ZNF214: variants seen among roughly 807,000 people sequenced by gnomAD.
ZNF214 encodes the protein BWSCR2-associated zinc finger protein 1.
A neutral mutation model predicts 53.9 loss-of-function variants in ZNF214; 43 were observed. That is an observed-to-expected ratio of 0.80 (90% CI 0.63 to 1.03). The LOEUF (loss-of-function observed/expected upper bound fraction) is 1.03. Among genes scored for constraint, ZNF214 ranks in the 50% least tolerant of loss-of-function variants. The pLI is 0.00. For synonymous variants in ZNF214, 217 were observed against 229.5 expected (o/e 0.95, Z 0.49); for missense variants, 724 against 719.1 (o/e 1.01, Z -0.08).
rs1055060488 is a variant in ZNF214, at chr11:6,999,190, A to T, written c.*672T>A. ...CTATTATTAAGCGTGGAAAACCGGA[A>T]AGGGAAGGGATGAGTGCACTGTAGT... On this transcript the variant is annotated 3_prime_UTR_variant, in exon 3 of 3. Coordinates refer to ENST00000278314, the MANE Select transcript of ZNF214 (RefSeq NM_013249.4). 20 of 151,936 alleles carry T rather than the reference A, an allele frequency of 1.3e-4. No homozygotes were observed. The highest frequency in any genetic ancestry group is 4.8e-4 in the African/African-American group (20 of 41,394). 9.4% of individuals were successfully genotyped at this position (151,936 alleles called of 1,614,324 possible). A position where few individuals can be genotyped will look rare whatever the true frequency, so the allele number is the denominator to read the frequency against.
intron 1 of ZNF214, among the ~76,000 whole-genome samples, chr11:7,018,494 ACTT>A (rs1436848039): frequency 1.4e-5 from 1 of 70,418 alleles, no homozygotes; most frequent in South Asian, 4.4e-4. Flanking sequence ...CAATGTTAAG[ACTT>A]TTTTTTTTTT....
Position 7,001,210 on chromosome 11 carries a change from C to T in ZNF214, c.473G>A (p.Gly158Asp). 6.2e-7 allele frequency: 1 copy of T among 1,613,190 alleles called. No homozygotes were observed. Among genetic ancestry groups the T allele is most frequent in the Non-Finnish European group, 8.5e-7 (1 of 1,179,520 alleles). Residue 158 changes from glycine to aspartate, a missense_variant, in exon 3 of 3, where the codon GGT becomes GAT. Coordinates refer to ENST00000278314, the MANE Select transcript of ZNF214 (RefSeq NM_013249.4). Reference protein sequence around the residue: ...QDYGREIYMSGSHGFQGGRYR... With the variant: ...QDYGREIYMSDSHGFQGGRYR... ...TCTGCCCCCTTGAAAACCATGTGAA[C>T]CACTCATGTAGATTTCTCTACCATA...
chr11:7,008,513 T>C (rs1851527218), intron 1 of ZNF214, among the ~76,000 whole-genome samples: 1 of 116,900 alleles, frequency 8.6e-6, no homozygotes, highest in Admixed American at 9.0e-5. Flanking sequence ...AGTATTTACC[T>C]TGAGAACCAG....
intron 1 of ZNF214, 58 bp downstream of exon 1, chr11:7,020,014 AC>A: frequency 6.6e-6 from 1 of 152,244 alleles, no homozygotes; most frequent in Non-Finnish European, 1.5e-5. Context: ...CTGCCCCGGC[AC>A]CGAACACCGG....
At chr11:7,011,786 A>G (rs980593173) in intron 1 of ZNF214, among the ~76,000 whole-genome samples, 1 of 151,978 alleles carries the variant, frequency 6.6e-6, no homozygotes, top group Non-Finnish European at 1.5e-5. Context: ...ATAAATTAAG[A>G]GAGTTCAGCA....
At chr11:7,003,954 AAAG>A (rs1462453731) in intron 1 of ZNF214, among the ~76,000 whole-genome samples, 2 of 151,818 alleles carry the variant, frequency 1.3e-5, no homozygotes, top group African/African-American at 4.8e-5. Flanking sequence ...TAAATTAAAA[AAAG>A]AAAAATTTGG....
chr11:7,018,412 C>T (rs757189080), intron 1 of ZNF214, among the ~76,000 whole-genome samples: 2 of 151,602 alleles, frequency 1.3e-5, no homozygotes. Flanking sequence ...GTTTTAAGTG[C>T]CACTCATTCT....
intron 1 of ZNF214, among the ~76,000 whole-genome samples, chr11:7,003,572 A>G (rs1851407196): frequency 6.6e-6 from 1 of 152,062 alleles, no homozygotes; most frequent in African/African-American, 2.4e-5. Context: ...AGTTACTTGT[A>G]TAAGATTATG....
chr11:7,008,211 T>C (rs1297956357), intron 1 of ZNF214, among the ~76,000 whole-genome samples: 2 of 152,096 alleles, frequency 1.3e-5, no homozygotes, highest in African/African-American at 4.8e-5. Context: ...AGTGGGCGGA[T>C]TGCTTGAGCC....
At chr11:7,019,739 T>A (rs1851867119) in intron 1 of ZNF214, 1 of 152,180 alleles carries the variant, frequency 6.6e-6, no homozygotes, top group Non-Finnish European at 1.5e-5. Context: ...TGATCAAAGG[T>A]AGGTTCCTGG....
chr11:7,008,370 C>A (rs376987320), intron 1 of ZNF214, among the ~76,000 whole-genome samples: 2 of 152,050 alleles, frequency 1.3e-5, no homozygotes, highest in African/African-American at 4.8e-5. Flanking sequence ...GAGGTTGAGG[C>A]TGCAATAAGC....
chr11:7,009,851 A>G (rs1851563849), intron 1 of ZNF214, among the ~76,000 whole-genome samples: 3 of 152,196 alleles, frequency 2.0e-5, no homozygotes, highest in African/African-American at 7.2e-5. Context: ...ATAAAGGCAA[A>G]TCAAAACCAC....
chr11:7,018,324 C>A lies in ZNF214; in HGVS notation c.-21+1749G>T, dbSNP rs1002048173. 2.0e-5 allele frequency among the ~76,000 whole-genome samples: 3 copies of A among 152,010 alleles called. No individual in the cohort carries two copies. The East Asian group carries it at 5.8e-4, about 29-fold the overall frequency. On this transcript the variant is annotated intron_variant, in intron 1 of 2. Transcript: ENST00000278314. ...TCCTTATTTGTTCCCTCAAATTGTACCTGAGAGTAAATGATGGCTTTCCTA... is the reference window on the plus strand; with the variant it reads ...TCCTTATTTGTTCCCTCAAATTGTAACTGAGAGTAAATGATGGCTTTCCTA...
chr11:6,999,456 C>T lies in ZNF214; in HGVS notation c.*406G>A, dbSNP rs1352860. 0.91 allele frequency: 140,884 copies of T among 154,860 alleles called. 64,902 individuals are homozygous for T. Among genetic ancestry groups the T allele is most frequent in the East Asian group, 1 (5,241 of 5,242 alleles). The allele number at this position is 154,860 out of a possible 1,614,324, so 9.6% of individuals were successfully genotyped here. The stretch of plus-strand genomic sequence containing the variant: ...AGTTTTTAGGGGAGTTAAGAGATGT[C>T]GTTTAACAGTTGGCCAACCAGTTTC... On this transcript the variant is annotated 3_prime_UTR_variant, in exon 3 of 3. Transcript: ENST00000278314.
intron 1 of ZNF214, among the ~76,000 whole-genome samples, chr11:7,009,067 GA>G (rs370990732): frequency 1.5e-4 from 22 of 148,820 alleles, no homozygotes; most frequent in East Asian, 7.8e-4. Context: ...CACTGAATTA[GA>G]AAAAAAAAAC....
At chr11:7,004,792 G>A (rs1221996788) in intron 1 of ZNF214, among the ~76,000 whole-genome samples, 1 of 151,990 alleles carries the variant, frequency 6.6e-6, no homozygotes, top group African/African-American at 2.4e-5. Flanking sequence ...CTCCAACCAC[G>A]GTGCAGCTTT....
Position 6,998,511 on chromosome 11 carries a change from T to C in ZNF214, c.*1351A>G, listed in dbSNP as rs1851239284. Among the ~76,000 whole-genome samples the C allele has an allele frequency of 6.6e-6, 1 of 151,984 alleles. No homozygotes were observed. The highest frequency in any genetic ancestry group is 1.5e-5 in the Non-Finnish European group (1 of 67,940). On this transcript the variant is annotated 3_prime_UTR_variant, in exon 3 of 3. Transcript: ENST00000278314. ...CAGATACATTTAAGATCAGATCAAG[T>C]TTATCTATTAACTATCAATTATTTT... is the stretch of plus-strand genomic sequence containing the variant.
chr11:7,004,841 T>G (rs1851437701), intron 1 of ZNF214, among the ~76,000 whole-genome samples: 1 of 152,104 alleles, frequency 6.6e-6, no homozygotes, highest in Admixed American at 6.6e-5. Context: ...TCACTGCAAC[T>G]TCATGAGACA....
intron 1 of ZNF214, among the ~76,000 whole-genome samples, chr11:7,016,207 C>G (rs1851761664): frequency 6.6e-6 from 1 of 152,146 alleles, no homozygotes; most frequent in Non-Finnish European, 1.5e-5. Context: ...GTTTAACATT[C>G]TTAACAGCCC....
Sources: gnomAD v4.1 joint callset for allele counts (sites outside exome capture counted in the v4.1 genomes callset) on GRCh38, gnomAD v4.1.1 for gene constraint, MANE v1.5 for transcripts, NCBI Gene and HGNC (gene_info 2026-07-23, HGNC 2026-07-21) for gene names.